ATXN1: variants seen among roughly 807,000 people sequenced by gnomAD.
The protein encoded by ATXN1 is ataxin 1.
A neutral mutation model predicts 56.4 loss-of-function variants in ATXN1; 8 were observed. The ratio of observed to expected loss-of-function variants is 0.14; its 90% confidence interval spans 0.08 to 0.26. ATXN1 has a LOEUF of 0.26. Among genes scored for constraint, ATXN1 ranks in the 10% least tolerant of loss-of-function variants. The probability of loss-of-function intolerance (pLI) is 1.00; values close to 1 mark genes in which losing one functional copy is unlikely to be tolerated. For missense variants in ATXN1, 987 were observed against 1,106.5 expected, an observed-to-expected ratio of 0.89 and a Z score of 1.53; for synonymous variants, 514 against 494.6, an observed-to-expected ratio of 1.04 and a Z score of -0.52.
rs1484061527 is a variant in ATXN1, at chr6:16,338,789, T to C, written c.-160-10319A>G. Among the ~76,000 whole-genome samples the C allele has an allele frequency of 3.3e-5, 5 of 152,310 alleles. No homozygotes were observed. The South Asian group carries it at 6.2e-4, about 19-fold the overall frequency. On this transcript the variant is annotated intron_variant, in intron 6 of 7. Transcript: ENST00000436367. The stretch of plus-strand genomic sequence containing the variant: ...AACTATCAATTCTTTCAAACATCTG[T>C]TTTTTCCTCACATCTGTGATAGAAA...
chr6:16,393,460 C>T (rs531577755), intron 6 of ATXN1, among the ~76,000 whole-genome samples: 1 of 152,210 alleles, frequency 6.6e-6, no homozygotes, highest in East Asian at 1.9e-4. Context: ...GTCTTGAATT[C>T]CTGACCTCAA....
chr6:16,646,850 T>C (rs1210097333), intron 3 of ATXN1, among the ~76,000 whole-genome samples: 3 of 152,194 alleles, frequency 2.0e-5, no homozygotes, highest in Admixed American at 6.5e-5. Flanking sequence ...TAAACCAAGT[T>C]TGTAGGAAGG....
intron 7 of ATXN1, among the ~76,000 whole-genome samples, chr6:16,309,311 C>T (rs576188597): frequency 4.0e-5 from 6 of 150,550 alleles, no homozygotes; most frequent in African/African-American, 1.2e-4. Context: ...TTAAAATATA[C>T]ACCACTGAAA....
At chr6:16,435,512 C>T (rs61061856) in intron 6 of ATXN1, among the ~76,000 whole-genome samples, 21,195 of 151,862 alleles carry the variant, frequency 0.14, 1,775 homozygotes, top group East Asian at 0.44. Context: ...GTTCAGGAAG[C>T]CAAGGGAGGA....
chr6:16,531,277 G>A (rs1340063606), intron 4 of ATXN1, among the ~76,000 whole-genome samples: 1 of 152,152 alleles, frequency 6.6e-6, no homozygotes, highest in African/African-American at 2.4e-5. Context: ...AGTTTAGTAC[G>A]AATAGGAAAT....
intron 6 of ATXN1, among the ~76,000 whole-genome samples, chr6:16,480,466 T>A (rs1760414965): frequency 6.6e-6 from 1 of 152,052 alleles, no homozygotes; most frequent in South Asian, 2.1e-4. Flanking sequence ...CTGACAACTC[T>A]TACCCATCGT....
At chr6:16,629,624 T>C (rs1763469421) in intron 3 of ATXN1, among the ~76,000 whole-genome samples, 1 of 152,086 alleles carries the variant, frequency 6.6e-6, no homozygotes, top group Non-Finnish European at 1.5e-5. Context: ...TTTAAAAATA[T>C]ATATATTTCG....
chr6:16,678,083 A>T (rs1758723830), intron 2 of ATXN1, among the ~76,000 whole-genome samples: 1 of 152,240 alleles, frequency 6.6e-6, no homozygotes, highest in African/African-American at 2.4e-5. Flanking sequence ...TACCAAGAGC[A>T]AAAAGAAGGG....
At chr6:16,470,438 C>T (rs1183617151) in intron 6 of ATXN1, among the ~76,000 whole-genome samples, 1 of 152,128 alleles carries the variant, frequency 6.6e-6, no homozygotes, top group African/African-American at 2.4e-5. Context: ...TACAACTATA[C>T]ACTTAAAAAT....
At chr6:16,448,126 AT>A (rs1008266015) in intron 6 of ATXN1, among the ~76,000 whole-genome samples, 4 of 152,172 alleles carry the variant, frequency 2.6e-5, no homozygotes, top group African/African-American at 9.7e-5. Context: ...GCCCTACATG[AT>A]CTGACCCCAA....
chr6:16,714,163 G>C, intron 2 of ATXN1, among the ~76,000 whole-genome samples: 1 of 128,246 alleles, frequency 7.8e-6, no homozygotes, highest in African/African-American at 2.9e-5. Flanking sequence ...AAAAAAGAAA[G>C]AAAAAAAAAA....
intron 5 of ATXN1, among the ~76,000 whole-genome samples, chr6:16,499,409 T>C (rs749795504): frequency 6.6e-6 from 1 of 152,210 alleles, no homozygotes; most frequent in Non-Finnish European, 1.5e-5. Context: ...ATGTTTTTCC[T>C]CATCCCACAT....
At chr6:16,705,428 G>A (rs1315517916) in intron 2 of ATXN1, among the ~76,000 whole-genome samples, 1 of 152,096 alleles carries the variant, frequency 6.6e-6, no homozygotes, top group Non-Finnish European at 1.5e-5. Flanking sequence ...CCGTTCCTGA[G>A]ATCCAGACCT....
intron 6 of ATXN1, among the ~76,000 whole-genome samples, chr6:16,462,513 A>G (rs763243217): frequency 5.9e-5 from 9 of 152,204 alleles, no homozygotes; most frequent in Non-Finnish European, 1.5e-5. Context: ...ATCCTTTTAC[A>G]GTTTCATCAC....
At chr6:16,413,646 C>T (rs934413053) in intron 6 of ATXN1, among the ~76,000 whole-genome samples, 3 of 152,174 alleles carry the variant, frequency 2.0e-5, no homozygotes, top group Admixed American at 1.3e-4. Flanking sequence ...GGGACTGAAT[C>T]GGCAATGTGG....
intron 3 of ATXN1, among the ~76,000 whole-genome samples, chr6:16,628,377 C>T (rs1186481813): frequency 6.6e-6 from 1 of 152,194 alleles, no homozygotes; most frequent in South Asian, 2.1e-4. Context: ...TAGTGAGTTA[C>T]TTTTACTGGC....
At chr6:16,453,276 C>T (rs1279426588) in intron 6 of ATXN1, among the ~76,000 whole-genome samples, 4 of 151,914 alleles carry the variant, frequency 2.6e-5, no homozygotes, top group East Asian at 3.9e-4. Context: ...CTGGCTAACA[C>T]GGTGAAACCC....
intron 4 of ATXN1, among the ~76,000 whole-genome samples, chr6:16,530,335 A>G (rs1443801570): frequency 6.6e-6 from 1 of 152,186 alleles, no homozygotes; most frequent in Non-Finnish European, 1.5e-5. Context: ...TTCAGGGGTG[A>G]AAAAAGGTCA....
At chr6:16,550,996 C>T (rs1761911606) in intron 4 of ATXN1, among the ~76,000 whole-genome samples, 1 of 152,074 alleles carries the variant, frequency 6.6e-6, no homozygotes, top group African/African-American at 2.4e-5. Context: ...TGACAGTGGA[C>T]CTGAAGTTAG....
Sources: gnomAD v4.1 joint callset for allele counts (sites outside exome capture counted in the v4.1 genomes callset) on GRCh38, gnomAD v4.1.1 for gene constraint, MANE v1.5 for transcripts, NCBI Gene and HGNC (gene_info 2026-07-23, HGNC 2026-07-21) for gene names.